COG5: variants seen among roughly 807,000 people sequenced by gnomAD.
COG5 encodes the protein component of oligomeric golgi complex 5.
COG5 carries 86 observed loss-of-function variants against 110.4 expected under a neutral mutation model. That is an observed-to-expected ratio of 0.78 (90% confidence interval 0.65 to 0.93). The LOEUF (loss-of-function observed/expected upper bound fraction) is 0.93. Among genes scored for constraint, COG5 ranks in the 40% least tolerant of loss-of-function variants. COG5 has a pLI of 0.00. For synonymous variants in COG5, 360 were observed against 334.6 expected, an observed-to-expected ratio of 1.08 and a Z score of -0.83; for missense variants, 1,077 against 987.0, an observed-to-expected ratio of 1.09 and a Z score of -1.22.
chr7:107,346,388 G>A (rs1811600613), intron 10 of COG5, among the ~76,000 whole-genome samples: 1 of 150,340 alleles, frequency 6.7e-6, no homozygotes, highest in Non-Finnish European at 1.5e-5. Context: ...AACAAGGGGG[G>A]AAAGCAGCTT....
intron 6 of COG5, 71 bp from the exon 7 acceptor site, chr7:107,412,703 A>T: frequency 1.1e-6 from 1 of 898,022 alleles, no homozygotes; most frequent in Non-Finnish European, 1.7e-6. Flanking sequence ...CAAAATATGT[A>T]TAACTTCTCA....
At chr7:107,506,922 C>T (rs560831514) in intron 6 of COG5, among the ~76,000 whole-genome samples, 4 of 152,322 alleles carry the variant, frequency 2.6e-5, no homozygotes, top group Middle Eastern at 3.4e-3. Context: ...AGTTAGCTGG[C>T]GGACTTCCAT....
chr7:107,248,766 A>G (rs751346341), intron 16 of COG5, among the ~76,000 whole-genome samples: 7 of 152,184 alleles, frequency 4.6e-5, no homozygotes, highest in Non-Finnish European at 8.8e-5. Flanking sequence ...TAAGCCCATG[A>G]AAAAGGGAAG....
At chr7:107,428,370 T>C (rs1424939316) in intron 6 of COG5, among the ~76,000 whole-genome samples, 1 of 151,950 alleles carries the variant, frequency 6.6e-6, no homozygotes, top group Non-Finnish European at 1.5e-5. Context: ...TTAAGGAACA[T>C]TTGGACCCAG....
intron 6 of COG5, among the ~76,000 whole-genome samples, chr7:107,441,892 T>C (rs185982645): frequency 5.3e-5 from 8 of 152,358 alleles, no homozygotes; most frequent in Middle Eastern, 3.4e-3. Flanking sequence ...GAAATATTCT[T>C]CAAAATAATA....
intron 6 of COG5, among the ~76,000 whole-genome samples, chr7:107,449,725 G>A (rs931997307): frequency 6.6e-6 from 1 of 152,200 alleles, no homozygotes; most frequent in African/African-American, 2.4e-5. Context: ...GAGACCTGCA[G>A]CTATGGTTGC....
At chr7:107,423,808 C>T (rs1793456038) in intron 6 of COG5, among the ~76,000 whole-genome samples, 1 of 152,130 alleles carries the variant, frequency 6.6e-6, no homozygotes, top group Admixed American at 6.5e-5. Flanking sequence ...AAGGAAGATA[C>T]ACACTGATAA....
At chr7:107,323,709 C>G (rs1217532690) in intron 11 of COG5, among the ~76,000 whole-genome samples, 1 of 152,168 alleles carries the variant, frequency 6.6e-6, no homozygotes, top group Non-Finnish European at 1.5e-5. Flanking sequence ...GTTTATTTAA[C>G]TCTGGTCAGT....
At chr7:107,215,902 G>C (rs958878637) in intron 19 of COG5, among the ~76,000 whole-genome samples, 39 of 151,884 alleles carry the variant, frequency 2.6e-4, no homozygotes, top group African/African-American at 8.4e-4. Context: ...GTAGAGATGG[G>C]GTTTCACCGT....
Position 107,518,661 on chromosome 7 carries a change from A to G in COG5, c.538+8576T>C, listed in dbSNP as rs540284821. On this transcript the variant is annotated intron_variant, in intron 6 of 21. Coordinates refer to ENST00000297135, the MANE Select transcript of COG5 (RefSeq NM_006348.5). ...AGAGGAGCACCAAGATTCATAAAACAAGTTCTTAGAGACCTACAAAGAGAC... is the reference window on the plus strand; with the variant it reads ...AGAGGAGCACCAAGATTCATAAAACGAGTTCTTAGAGACCTACAAAGAGAC... Among the ~76,000 whole-genome samples, 5 of 152,318 alleles carry G rather than the reference A, an allele frequency of 3.3e-5. No individual in the cohort carries two copies. The South Asian group carries it at 6.2e-4, about 19-fold the overall frequency.
chr7:107,438,310 A>C (rs959729465), intron 6 of COG5, among the ~76,000 whole-genome samples: 1 of 152,204 alleles, frequency 6.6e-6, no homozygotes, highest in African/African-American at 2.4e-5. Context: ...GCACCAGAGA[A>C]ATCTGCAAAC....
chr7:107,495,952 A>AC (rs1563066281), intron 6 of COG5, among the ~76,000 whole-genome samples: 1 of 148,452 alleles, frequency 6.7e-6, no homozygotes, highest in African/African-American at 2.5e-5. Context: ...TTTTTTAATT[A>AC]TTTTTTTTTT....
intron 6 of COG5, among the ~76,000 whole-genome samples, chr7:107,435,293 G>A (rs1794297165): frequency 6.6e-6 from 1 of 152,052 alleles, no homozygotes; most frequent in African/African-American, 2.4e-5. Flanking sequence ...AAATTACATG[G>A]TATTTGTTTT....
rs1584515757 is a variant in COG5 at position 107,203,350 on chromosome 7, T to C, written c.*166A>G. 2 of 629,882 alleles carry C rather than the reference T, an allele frequency of 3.2e-6. No homozygotes were observed. The highest frequency in any genetic ancestry group is 2.8e-5 in the East Asian group (1 of 36,124). 39.0% of individuals were successfully genotyped at this position (629,882 alleles called of 1,614,324 possible). A position where few individuals can be genotyped will look rare whatever the true frequency, so the allele number is the denominator to read the frequency against. ...GGTGGTGATAACTCAACATTTTTTATGCTAAAGTATAAGTGCTAAAGAGGT... is the reference window on the plus strand; with the variant it reads ...GGTGGTGATAACTCAACATTTTTTACGCTAAAGTATAAGTGCTAAAGAGGT... On this transcript the variant is annotated 3_prime_UTR_variant, in exon 22 of 22. Coordinates refer to ENST00000297135, the MANE Select transcript of COG5 (RefSeq NM_006348.5).
rs1175442981 is a variant in COG5 at position 107,465,094 on chromosome 7, C to T, written c.539-52462G>A. Reference sequence around the variant, plus strand: ...TATGGGGATTGTTTCTCCCAACACACTCCCATTCAACCTAATACCAGAGGT... The same window carrying T: ...TATGGGGATTGTTTCTCCCAACACATTCCCATTCAACCTAATACCAGAGGT... On this transcript the variant is annotated intron_variant, in intron 6 of 21. Coordinates refer to ENST00000297135, the MANE Select transcript of COG5 (RefSeq NM_006348.5). 2.0e-5 allele frequency among the ~76,000 whole-genome samples: 3 copies of T among 152,152 alleles called. No individual in the cohort carries two copies. In the East Asian group the frequency reaches 5.8e-4, roughly 29 times the overall value.
chr7:107,432,773 A>T (rs980659883), intron 6 of COG5, among the ~76,000 whole-genome samples: 4 of 152,154 alleles, frequency 2.6e-5, no homozygotes, highest in Non-Finnish European at 5.9e-5. Context: ...CGCAAAAAAA[A>T]TTCTACAAAA....
intron 11 of COG5, among the ~76,000 whole-genome samples, chr7:107,309,521 T>C (rs1271676682): frequency 1.3e-5 from 2 of 152,128 alleles, no homozygotes; most frequent in Non-Finnish European, 2.9e-5. Context: ...GATAAGCTAG[T>C]AGGTGTAGTA....
chr7:107,385,805 C>CTT (rs57758483), intron 7 of COG5, among the ~76,000 whole-genome samples: 24 of 122,314 alleles, frequency 2.0e-4, no homozygotes, highest in African/African-American at 4.5e-4. Context: ...TTGTTATTTT[C>CTT]TTTTTTTTTT....
Position 107,508,056 on chromosome 7 carries a change from T to C in COG5, c.538+19181A>G, listed in dbSNP as rs186852564. ...GCAAGACAGTGGGTGCAACGCACCA[T>C]GCACGAGCCGAAGCAGGGCGAGGCA... On this transcript the variant is annotated intron_variant, in intron 6 of 21. Coordinates refer to ENST00000297135, the MANE Select transcript of COG5 (RefSeq NM_006348.5). 5.7e-4 allele frequency among the ~76,000 whole-genome samples: 87 copies of C among 152,352 alleles called. No homozygotes were observed. The East Asian group carries it at 0.015, about 26-fold the overall frequency.
Sources: allele counts gnomAD v4.1 joint callset (sites outside exome capture counted in the v4.1 genomes callset), GRCh38; gene constraint gnomAD v4.1.1; transcripts MANE v1.5; gene names NCBI Gene and HGNC (gene_info 2026-07-23, HGNC 2026-07-21).